The following DSCAML1 variants were observed in gnomAD, a reference collection of about 807,000 sequenced individuals.
DSCAML1 encodes cell adhesion molecule DSCAML1.
A neutral mutation model predicts 200.5 loss-of-function variants in DSCAML1; 38 were observed. The observed-to-expected ratio is 0.19, with a 90% CI of 0.15 to 0.25. DSCAML1 has a LOEUF of 0.25. Among genes scored for constraint, DSCAML1 ranks in the 10% least tolerant of loss-of-function variants. The pLI, the probability that DSCAML1 is intolerant of heterozygous loss-of-function variation, is 1.00. For synonymous variants in DSCAML1, 1,215 were observed against 1,165.0 expected (o/e 1.04, Z -0.87); for missense variants, 2,223 against 2,858.8 (o/e 0.78, Z 5.07).
rs1473126526 is a variant in DSCAML1, at chr11:117,499,371, A to G, written c.2359+4474T>C. On this transcript the variant is annotated intron_variant, in intron 11 of 32. Coordinates refer to ENST00000651296, the MANE Select transcript of DSCAML1 (RefSeq NM_020693.4). Reference sequence around the variant, plus strand: ...TCACAGCTAGTCTGAGCTGGAAGGGAACTGGGGTCATCTAGTGACTAGATC... The same window carrying G: ...TCACAGCTAGTCTGAGCTGGAAGGGGACTGGGGTCATCTAGTGACTAGATC... 2.0e-5 allele frequency among the ~76,000 whole-genome samples: 3 copies of G among 152,078 alleles called. No individual in the cohort carries two copies. In the South Asian group the frequency reaches 6.2e-4, roughly 32 times the overall value.
At chr11:117,536,394 G>A (rs897277544) in intron 3 of DSCAML1, among the ~76,000 whole-genome samples, 4 of 152,218 alleles carry the variant, frequency 2.6e-5, no homozygotes, top group Admixed American at 1.3e-4. Flanking sequence ...GCCATCCCTG[G>A]GAAGGGAGAA....
chr11:117,438,119 G>A (rs989712404), intron 24 of DSCAML1, 36 bp from the exon 25 acceptor site: 1 of 1,560,426 alleles, frequency 6.4e-7, no homozygotes, highest in African/African-American at 1.4e-5. Flanking sequence ...TGGGGGCAGG[G>A]CAGGGCAAGG....
intron 3 of DSCAML1, among the ~76,000 whole-genome samples, chr11:117,676,982 C>T (rs2053227314): frequency 1.3e-5 from 2 of 152,152 alleles, no homozygotes; most frequent in Non-Finnish European, 2.9e-5. Context: ...GGAGGGGAGC[C>T]AGGAGGCCCG....
intron 3 of DSCAML1, among the ~76,000 whole-genome samples, chr11:117,556,673 C>T (rs2050564747): frequency 6.6e-6 from 1 of 152,156 alleles, no homozygotes; most frequent in Non-Finnish European, 1.5e-5. Flanking sequence ...TCTGATGGTA[C>T]AGCTATGCCC....
At chr11:117,789,317 G>A (rs2055416893) in intron 1 of DSCAML1, among the ~76,000 whole-genome samples, 1 of 152,220 alleles carries the variant, frequency 6.6e-6, no homozygotes, top group African/African-American at 2.4e-5. Flanking sequence ...GACAGGGCCT[G>A]TCAAAGGAAG....
At chr11:117,522,422 G>A (rs185413328) in intron 5 of DSCAML1, among the ~76,000 whole-genome samples, 257 of 152,264 alleles carry the variant, frequency 1.7e-3, no homozygotes, top group African/African-American at 5.6e-3. Context: ...CATTACTGAT[G>A]GTCTAACTGG....
At chr11:117,699,479 G>T (rs1242543908) in intron 3 of DSCAML1, among the ~76,000 whole-genome samples, 1 of 152,254 alleles carries the variant, frequency 6.6e-6, no homozygotes, top group African/African-American at 2.4e-5. Flanking sequence ...CCGAAGGGAG[G>T]TGACGCAGGA....
At chr11:117,471,275 G>A (rs1300016471) in intron 15 of DSCAML1, among the ~76,000 whole-genome samples, 2 of 151,900 alleles carry the variant, frequency 1.3e-5, no homozygotes, top group African/African-American at 2.4e-5. Flanking sequence ...AGGTTCAAGC[G>A]ATTCTCCTGC....
At chr11:117,527,674 C>A (rs1033316598) in intron 4 of DSCAML1, among the ~76,000 whole-genome samples, 1 of 152,206 alleles carries the variant, frequency 6.6e-6, no homozygotes, top group Non-Finnish European at 1.5e-5. Context: ...CACCCTTGTT[C>A]AGTAAATGGC....
In DSCAML1 at chr11:117,780,339, A is replaced by G. The variant is rs187606239; in HGVS notation, c.364+154T>C. Among the ~76,000 whole-genome samples, 1 of 152,002 alleles carries G rather than the reference A, an allele frequency of 6.6e-6. No homozygotes were observed. Among genetic ancestry groups the G allele is most frequent in the African/African-American group, 2.4e-5 (1 of 41,528 alleles). On this transcript the variant is annotated intron_variant, in intron 2 of 32. Coordinates refer to ENST00000651296, the MANE Select transcript of DSCAML1 (RefSeq NM_020693.4). The surrounding 1 kb of genome is among the most constrained non-coding windows in gnomAD (Gnocchi z 4.8). ...AGAAAGAAAGGTGTCTCTTATGCCT[A>G]TGGACACACAGCAAGTGGTACAACA...
intron 3 of DSCAML1, among the ~76,000 whole-genome samples, chr11:117,687,760 G>T (rs1166937707): frequency 6.6e-6 from 1 of 152,016 alleles, no homozygotes. Context: ...TTTAAGAGAA[G>T]ACATCAAGAT....
chr11:117,738,969 A>AT (rs1341151170), intron 3 of DSCAML1, among the ~76,000 whole-genome samples: 1 of 152,208 alleles, frequency 6.6e-6, no homozygotes, highest in Non-Finnish European at 1.5e-5. Flanking sequence ...GACAGAGGGA[A>AT]AACACCTCTA....
At chr11:117,631,580 T>C (rs1444893703) in intron 3 of DSCAML1, among the ~76,000 whole-genome samples, 1 of 152,204 alleles carries the variant, frequency 6.6e-6, no homozygotes, top group East Asian at 1.9e-4. Context: ...CAGTTACATT[T>C]TGAAAGAAGC....
At chr11:117,769,558 A>ATATT in intron 3 of DSCAML1, among the ~76,000 whole-genome samples, 1 of 93,096 alleles carries the variant, frequency 1.1e-5, no homozygotes, top group Non-Finnish European at 2.1e-5. Flanking sequence ...TTATATATAT[A>ATATT]TTTTATATAT....
chr11:117,704,672 T>C (rs1166274488), intron 3 of DSCAML1, among the ~76,000 whole-genome samples: 1 of 152,158 alleles, frequency 6.6e-6, no homozygotes, highest in Non-Finnish European at 1.5e-5. Context: ...TGAGAACATA[T>C]GTTCTCTTGT....
At chr11:117,589,891 GTTAAGTGA>G (rs1447923123) in intron 3 of DSCAML1, among the ~76,000 whole-genome samples, 2 of 152,198 alleles carry the variant, frequency 1.3e-5, no homozygotes, top group Non-Finnish European at 2.9e-5. Context: ...GCCCTAAGAG[GTTAAGTGA>G]TTACCCAGCT....
At chr11:117,724,167 C>T (rs1476522064) in intron 3 of DSCAML1, among the ~76,000 whole-genome samples, 1 of 152,156 alleles carries the variant, frequency 6.6e-6, no homozygotes, top group African/African-American at 2.4e-5. Flanking sequence ...CTGACCCTGG[C>T]CTTATAGAGA....
At chr11:117,815,641 G>A (rs977491468) in intron 1 of DSCAML1, among the ~76,000 whole-genome samples, 2 of 152,072 alleles carry the variant, frequency 1.3e-5, no homozygotes, top group Non-Finnish European at 2.9e-5. Context: ...GCGGCCTCCT[G>A]GGGCTGAGGA....
chr11:117,716,413 A>C (rs1015563559), intron 3 of DSCAML1, among the ~76,000 whole-genome samples: 2 of 152,180 alleles, frequency 1.3e-5, no homozygotes, highest in Non-Finnish European at 2.9e-5. Context: ...CGGGTCACCA[A>C]ACAAGAGCTT....
Sources: allele counts gnomAD v4.1 joint callset (sites outside exome capture counted in the v4.1 genomes callset), GRCh38; gene constraint gnomAD v4.1.1; non-coding constraint Gnocchi (gnomAD v3.1); transcripts MANE v1.5; gene names NCBI Gene and HGNC (gene_info 2026-07-23, HGNC 2026-07-21).